HHATL: variants seen among roughly 807,000 people sequenced by gnomAD.
HHATL encodes protein-cysteine N-palmitoyltransferase HHAT-like protein.
HHATL carries 49 observed loss-of-function variants against 59.7 expected under a neutral mutation model. The observed-to-expected ratio is 0.82, with a 90% CI of 0.65 to 1.04. The LOEUF (loss-of-function observed/expected upper bound fraction) is 1.04. Ranked by LOEUF, HHATL falls within the 50% of genes least tolerant of loss-of-function variation. The pLI is 0.00. For missense variants in HHATL, 605 were observed against 650.8 expected (o/e 0.93, Z 0.77); for synonymous variants, 238 against 257.3 (o/e 0.93, Z 0.72).
In HHATL at chr3:42,698,328, A is replaced by C; in HGVS notation, c.507T>G (p.Phe169Leu). 6.2e-7 allele frequency: 1 copy of C among 1,612,742 alleles called. No individual in the cohort carries two copies. The highest frequency in any genetic ancestry group is 8.5e-7 in the Non-Finnish European group (1 of 1,179,208). Residue 169 changes from phenylalanine (F) to leucine (L), a missense_variant, in exon 6 of 12, where the codon TTT (phenylalanine) becomes TTG (leucine). Phe to Leu is a conservative substitution (Grantham distance 22). Coordinates refer to ENST00000441594, the MANE Select transcript of HHATL (RefSeq NM_020707.4). ...CATGAAACAGCACCTCTTGAAGATC[A>C]AAAGTGCCTGTTACAAACCCGCTCT... The part of the protein sequence containing the change: ...SWQSGFVTGT[F>L]DLQEVLFHGG...
Position 42,692,732 on chromosome 3 carries a change from TC to T in HHATL, c.*18del. ...CCCAAGAATAGCTGAGCAGAGCCCA[TC>T]CCTCTACCCGCTCCCTCCTACTCCG... is the stretch of plus-strand genomic sequence containing the variant. On this transcript the variant is annotated 3_prime_UTR_variant, in exon 12 of 12. Coordinates refer to ENST00000441594, the MANE Select transcript of HHATL (RefSeq NM_020707.4). The T allele has an allele frequency of 6.2e-7, 1 of 1,614,170 alleles. No homozygotes were observed.
rs1230839485 is a variant in HHATL at position 42,697,000 on chromosome 3, C to A, written c.1010+1G>T. On this transcript the variant is annotated splice_donor_variant, in intron 8 of 11. Transcript: ENST00000441594. LOFTEE classifies it high-confidence loss of function. ...CCTCCCCCGTCCTGGCCAGCACTCA[C>A]GTTTCCGCAAAGACGTAGAGTGCGG... 6.2e-7 allele frequency: 1 copy of A among 1,608,866 alleles called. No individual in the cohort carries two copies.
rs566622589 is a variant in HHATL, at chr3:42,702,219, G to C, written c.-14+360C>G. 5.3e-4 allele frequency among the ~76,000 whole-genome samples: 81 copies of C among 152,360 alleles called. No homozygotes were observed. In the Middle Eastern group the frequency reaches 0.014, roughly 26 times the overall value. Reference sequence around the variant, plus strand: ...AGTTGGGTGGGGGTGGAGAGGCCCTGGGGATCAGGTTAATGGAGCAGGAGC... The same window carrying C: ...AGTTGGGTGGGGGTGGAGAGGCCCTCGGGATCAGGTTAATGGAGCAGGAGC... On this transcript the variant is annotated intron_variant, in intron 1 of 11. Coordinates refer to ENST00000441594, the MANE Select transcript of HHATL (RefSeq NM_020707.4).
chr3:42,699,217 G>T, intron 3 of HHATL, 72 bp from the exon 4 acceptor site: 1 of 1,011,186 alleles, frequency 9.9e-7, no homozygotes, highest in Non-Finnish European at 1.6e-6. Context: ...GCTGGAACCT[G>T]GGCTGGTCAG....
At chr3:42,700,360 CTGTG>C (rs113288672) in intron 2 of HHATL, among the ~76,000 whole-genome samples, 8 of 134,072 alleles carry the variant, frequency 6.0e-5, no homozygotes, top group South Asian at 2.4e-4. Context: ...GTCTAGGTCT[CTGTG>C]TGTGTGTGTG....
At chr3:42,699,178 A>G in intron 3 of HHATL, 33 bp from the exon 4 acceptor site, 1 of 1,540,986 alleles carries the variant, frequency 6.5e-7, no homozygotes, top group Non-Finnish European at 9.0e-7. Flanking sequence ...GAGGTGGGGC[A>G]GGTGAGGGTG....
Position 42,697,123 on chromosome 3 carries a change from C to G in HHATL, c.888G>C (p.Leu296=). The G allele has an allele frequency of 6.5e-7, 1 of 1,547,288 alleles. No individual in the cohort carries two copies. Among genetic ancestry groups the G allele is most frequent in the Non-Finnish European group, 8.7e-7 (1 of 1,144,988 alleles). The change falls in exon 8 of 12, where the codon CTG becomes CTC. Residue 296 remains leucine, a synonymous_variant. Transcript: ENST00000441594. ...CGGCCGCCTTCACCCAGTCATACAC[C>G]AGGTTTGAATAGGCTAGGCCAGCTG... ...SALAGLAYSN[L]VYDWVKAAVL...
intron 9 of HHATL, among the ~76,000 whole-genome samples, chr3:42,695,504 G>T (rs1389280846): frequency 6.6e-6 from 1 of 152,150 alleles, no homozygotes; most frequent in Non-Finnish European, 1.5e-5. Flanking sequence ...TGGGTACTCA[G>T]TGCCAAGATT....
intron 2 of HHATL, among the ~76,000 whole-genome samples, chr3:42,700,360 C>G (rs1697898628): frequency 7.5e-6 from 1 of 134,082 alleles, no homozygotes; most frequent in Non-Finnish European, 1.6e-5. Context: ...GTCTAGGTCT[C>G]TGTGTGTGTG....
chr3:42,699,729 G>A (rs1325792231), intron 3 of HHATL, 29 bp downstream of exon 3: 4 of 1,557,900 alleles, frequency 2.6e-6, no homozygotes, highest in Non-Finnish European at 3.5e-6. Flanking sequence ...GTTCGGGATG[G>A]GAGGGACCCT....
At chr3:42,702,137 G>A (rs899497550) in intron 1 of HHATL, among the ~76,000 whole-genome samples, 1 of 152,238 alleles carries the variant, frequency 6.6e-6, no homozygotes, top group African/African-American at 2.4e-5. Flanking sequence ...GCCCACAGCA[G>A]AGGCTGCCAG....
chr3:42,700,578 G>A (rs370334028), intron 2 of HHATL, 143 bp downstream of exon 2: 35 of 601,038 alleles, frequency 5.8e-5, no homozygotes, highest in African/African-American at 4.6e-4. Context: ...TGGGAACCCC[G>A]GGCTGAAAAG....
rs1328016275 is a variant in HHATL, at chr3:42,693,669, AAGTTGAGGCCAAAGC to A, written c.1181_1195del (p.Cys394_Asn398del). 6.2e-7 allele frequency: 1 copy of A among 1,614,106 alleles called. No homozygotes were observed. Among genetic ancestry groups the A allele is most frequent in the Admixed American group, 1.7e-5 (1 of 60,020 alleles). Reference sequence around the variant, plus strand: ...TGCCAGTTTTTGCATCCAGAGCTCAAAGTTGAGGCCAAAGCAGTTAAGGAATGACCACAGGTAGAC... The same window carrying A: ...TGCCAGTTTTTGCATCCAGAGCTCAAAGTTAAGGAATGACCACAGGTAGAC... On this transcript the variant is annotated inframe_deletion, in exon 10 of 12. Transcript: ENST00000441594.
At chr3:42,693,358 C>T (rs1697440225) in intron 10 of HHATL, 140 bp from the exon 11 acceptor site, 5 of 1,090,884 alleles carry the variant, frequency 4.6e-6, no homozygotes, top group South Asian at 1.5e-5. Context: ...TCAGCTCTCC[C>T]TCCTTGTTAA....
At chr3:42,699,647 G>T in intron 3 of HHATL, 111 bp downstream of exon 3, 1 of 911,154 alleles carries the variant, frequency 1.1e-6, no homozygotes, top group Non-Finnish European at 1.7e-6. Flanking sequence ...TGAAGCTCAA[G>T]CCAGAGGCCC....
rs1697764041 is a variant in HHATL at position 42,698,636 on chromosome 3, G to T, written c.483+72C>A. The stretch of plus-strand genomic sequence containing the variant: ...GGGAATACTTGGGGATACTTGGGGT[G>T]CAAGGACTTTGGATGAAGTGAGAGG... On this transcript the variant is annotated intron_variant, in intron 5 of 11. Coordinates refer to ENST00000441594, the MANE Select transcript of HHATL (RefSeq NM_020707.4). The T allele has an allele frequency of 3.4e-6, 5 of 1,479,146 alleles. No homozygotes were observed. The South Asian group carries it at 6.8e-5, about 20-fold the overall frequency. 91.6% of individuals were successfully genotyped at this position (1,479,146 alleles called of 1,614,324 possible). A position where few individuals can be genotyped will look rare whatever the true frequency, so the allele number is the denominator to read the frequency against.
Position 42,698,697 on chromosome 3 carries a change from C to G in HHATL, c.483+11G>C, listed in dbSNP as rs1385544900. On this transcript the variant is annotated intron_variant, in intron 5 of 11. Coordinates refer to ENST00000441594, the MANE Select transcript of HHATL (RefSeq NM_020707.4). ...TATCCCTACACCCTCTACCCCTGCA[C>G]CAGTTCACACCTGCCAAGAGATTAG... The G allele has an allele frequency of 6.5e-7, 1 of 1,545,158 alleles. No homozygotes were observed. Among genetic ancestry groups the G allele is most frequent in the Non-Finnish European group, 8.7e-7 (1 of 1,151,338 alleles).
chr3:42,692,805 C>T lies in HHATL; in HGVS notation c.1461G>A (p.Glu487=). The change falls in exon 12 of 12, where the codon GAG becomes GAA. Residue 487 remains glutamate (E), a synonymous_variant. Coordinates refer to ENST00000441594, the MANE Select transcript of HHATL (RefSeq NM_020707.4). ...GCTCCTCCTCCAGTGCCAAGGTTCGCTCACGCTCCTTTACCAGCTGGACGC... is the reference window on the plus strand; with the variant it reads ...GCTCCTCCTCCAGTGCCAAGGTTCGTTCACGCTCCTTTACCAGCTGGACGC... ...YCGVQLVKER[E]RTLALEEEQK... 2 of 1,614,252 alleles carry T rather than the reference C, an allele frequency of 1.2e-6. No homozygotes were observed. Among genetic ancestry groups the T allele is most frequent in the Non-Finnish European group, 1.7e-6 (2 of 1,180,048 alleles).
At chr3:42,695,961 C>T (rs186009242) in intron 9 of HHATL, among the ~76,000 whole-genome samples, 2 of 152,332 alleles carry the variant, frequency 1.3e-5, no homozygotes, top group East Asian at 1.9e-4. Context: ...TCTTCTCCCT[C>T]AGCCACTCCT....
Sources: gnomAD v4.1 joint callset for allele counts (sites outside exome capture counted in the v4.1 genomes callset) on GRCh38, gnomAD v4.1.1 for gene constraint, MANE v1.5 for transcripts, NCBI Gene and HGNC (gene_info 2026-07-23, HGNC 2026-07-21) for gene names.